Variants in CALCOCO2 observed in about 807,000 individuals in gnomAD.
CALCOCO2 encodes the protein calcium binding and coiled-coil domain 2, also known as calcium-binding and coiled-coil domain-containing protein 2.
A neutral mutation model predicts 62.5 loss-of-function variants in CALCOCO2; 42 were observed. The ratio of observed to expected loss-of-function variants is 0.67; its 90% CI spans 0.53 to 0.87. The LOEUF is 0.87. Ranked by LOEUF, CALCOCO2 falls within the 40% of genes least tolerant of loss-of-function variation. The pLI, the probability that CALCOCO2 is intolerant of heterozygous loss-of-function variation, is 0.00. For missense variants in CALCOCO2, 456 were observed against 515.0 expected, an observed-to-expected ratio of 0.89 and a Z score of 1.11; for synonymous variants, 167 against 173.0, an observed-to-expected ratio of 0.97 and a Z score of 0.27.
At chr17:48,846,396 C>T in intron 2 of CALCOCO2, 1 of 789,488 alleles carries the variant, frequency 1.3e-6, no homozygotes, top group South Asian at 1.6e-5. Flanking sequence ...AGTCTGCTTT[C>T]CTTCCCTCAG....
At chr17:48,846,870 G>T (rs2040060056) in intron 2 of CALCOCO2, among the ~76,000 whole-genome samples, 1 of 152,168 alleles carries the variant, frequency 6.6e-6, no homozygotes, top group Non-Finnish European at 1.5e-5. Context: ...CTCATTTGCT[G>T]AGTGTTGTCC....
At chr17:48,848,647 T>C (rs2143621601) in intron 4 of CALCOCO2, 192 bp downstream of exon 4, 1 of 630,786 alleles carries the variant, frequency 1.6e-6, no homozygotes, top group African/African-American at 1.8e-5. Flanking sequence ...ATAAGTGGTT[T>C]CTTCTTTTCT....
At chr17:48,851,290 T>A in intron 6 of CALCOCO2, 113 bp downstream of exon 6, 1 of 712,344 alleles carries the variant, frequency 1.4e-6, no homozygotes, top group Non-Finnish European at 2.5e-6. Context: ...ATGACATTGA[T>A]GATGTGATTC....
At chr17:48,839,670 C>CATT in intron 1 of CALCOCO2, among the ~76,000 whole-genome samples, 1 of 66,172 alleles carries the variant, frequency 1.5e-5, no homozygotes, top group African/African-American at 6.4e-5. Context: ...CTTTGCTTTG[C>CATT]TTTTTTTTTT....
At chr17:48,848,821 G>A (rs1286985352) in intron 4 of CALCOCO2, 1 of 488,350 alleles carries the variant, frequency 2.0e-6, no homozygotes, top group Non-Finnish European at 4.0e-6. Context: ...CAGCCTGTCT[G>A]TCATACGTGA....
intron 9 of CALCOCO2, 118 bp from the exon 10 acceptor site, chr17:48,855,974 T>C (rs147129075): frequency 2.1e-6 from 1 of 474,982 alleles, no homozygotes; most frequent in Non-Finnish European, 3.8e-6. Flanking sequence ...TTCCTCCCAG[T>C]TGCGTTCTCC....
At chr17:48,858,046 A>ATGG in intron 10 of CALCOCO2, among the ~76,000 whole-genome samples, 1 of 40,038 alleles carries the variant, frequency 2.5e-5, no homozygotes, top group Non-Finnish European at 4.9e-5. Context: ...ATAGAATAGA[A>ATGG]AATAGAATAG....
Position 48,851,648 on chromosome 17 carries a change from T to C in CALCOCO2, c.702+20T>C. 4.9e-6 allele frequency: 7 copies of C among 1,437,212 alleles called. No individual in the cohort carries two copies. The highest frequency in any genetic ancestry group is 6.9e-6 in the Non-Finnish European group (7 of 1,018,414). 89.0% of individuals were successfully genotyped at this position (1,437,212 alleles called of 1,614,324 possible). ...CTTCAGGTAGGTAATGCCATATGTTTGTCAAAGGATATTTTCTTAGCCTTA... is the reference window on the plus strand; with the variant it reads ...CTTCAGGTAGGTAATGCCATATGTTCGTCAAAGGATATTTTCTTAGCCTTA... On this transcript the variant is annotated intron_variant, in intron 7 of 12. Transcript: ENST00000258947.
chr17:48,851,230 C>A, intron 6 of CALCOCO2, 53 bp downstream of exon 6: 1 of 968,444 alleles, frequency 1.0e-6, no homozygotes. Context: ...CCATCAGTAC[C>A]CTTAAGTACA....
chr17:48,844,719 C>T (rs1007929761), intron 2 of CALCOCO2, among the ~76,000 whole-genome samples: 16 of 152,088 alleles, frequency 1.1e-4, no homozygotes, highest in African/African-American at 3.6e-4. Context: ...GGTTTCATCA[C>T]GTTGGCCAGG....
chr17:48,848,699 C>G lies in CALCOCO2; in HGVS notation c.417+244C>G, dbSNP rs2040085983. On this transcript the variant is annotated intron_variant, in intron 4 of 12. Transcript: ENST00000258947. Reference sequence around the variant, plus strand: ...AGCTGGCATTCAGTTATTCTTTTAACTTTCCAATTGCTTAATTTTTGTCAT... The same window carrying G: ...AGCTGGCATTCAGTTATTCTTTTAAGTTTCCAATTGCTTAATTTTTGTCAT... The G allele has an allele frequency of 6.8e-6, 4 of 591,568 alleles. No individual in the cohort carries two copies. In the Admixed American group the frequency reaches 7.9e-5, roughly 12 times the overall value. 36.6% of individuals were successfully genotyped at this position (591,568 alleles called of 1,614,324 possible).
chr17:48,847,801 G>A (rs1268743305), intron 2 of CALCOCO2: 3 of 274,988 alleles, frequency 1.1e-5, no homozygotes, highest in African/African-American at 4.6e-5. Context: ...GATTACAGGC[G>A]CACACCACCG....
intron 1 of CALCOCO2, among the ~76,000 whole-genome samples, chr17:48,833,947 G>C (rs754742679): frequency 3.3e-5 from 5 of 151,804 alleles, no homozygotes; most frequent in Non-Finnish European, 7.4e-5. Context: ...TGGGCAACAT[G>C]GTGAAACCCT....
At chr17:48,833,775 G>A (rs1191988566) in intron 1 of CALCOCO2, among the ~76,000 whole-genome samples, 2 of 152,018 alleles carry the variant, frequency 1.3e-5, no homozygotes, top group Admixed American at 6.6e-5. Context: ...AAACATGTTG[G>A]CCATTTAAAA....
intron 9 of CALCOCO2, 176 bp downstream of exon 9, chr17:48,853,188 G>T: frequency 1.8e-6 from 1 of 561,194 alleles, no homozygotes. Context: ...GTTTAGAAGT[G>T]GGCATTTCTA....
At position 48,852,491 on chromosome 17, in the gene CALCOCO2, C is replaced by T. The variant is rs2040148073; in HGVS notation, c.703-15C>T. The T allele has an allele frequency of 6.2e-7, 1 of 1,607,538 alleles. No homozygotes were observed. Among genetic ancestry groups the T allele is most frequent in the Non-Finnish European group, 8.5e-7 (1 of 1,176,764 alleles). The stretch of plus-strand genomic sequence containing the variant: ...TTCTTTTATATCTTGGTTATGTTCA[C>T]TATTTTTGTTTTAGGCCCAGCTGTC... On this transcript the variant is annotated splice_polypyrimidine_tract_variant and intron_variant, in intron 7 of 12. Transcript: ENST00000258947.
At chr17:48,857,974 CAATAG>C (rs1555573799) in intron 10 of CALCOCO2, among the ~76,000 whole-genome samples, 405 of 40,006 alleles carry the variant, frequency 0.01, 16 homozygotes, top group African/African-American at 0.019. Flanking sequence ...AAGACTACAT[CAATAG>C]AATAGAATAG....
At chr17:48,832,120 C>T (rs2039822343) in intron 1 of CALCOCO2, among the ~76,000 whole-genome samples, 1 of 152,226 alleles carries the variant, frequency 6.6e-6, no homozygotes. Context: ...TGACTAGGCG[C>T]GGTGGCTCAC....
At chr17:48,840,141 T>C (rs1193827097) in intron 1 of CALCOCO2, among the ~76,000 whole-genome samples, 3 of 152,078 alleles carry the variant, frequency 2.0e-5, no homozygotes, top group East Asian at 3.9e-4. Context: ...GTCATTGTTA[T>C]TGTTTTGAGG....
Sources: allele counts gnomAD v4.1 joint callset (sites outside exome capture counted in the v4.1 genomes callset), GRCh38; gene constraint gnomAD v4.1.1; transcripts MANE v1.5; gene names NCBI Gene and HGNC (gene_info 2026-07-23, HGNC 2026-07-21).